Variants in ATP9B observed in about 807,000 individuals in gnomAD.
ATP9B encodes probable phospholipid-transporting ATPase IIB.
Under a neutral mutation model 146.1 loss-of-function variants are expected in ATP9B, and 110 were observed. The ratio of observed to expected loss-of-function variants is 0.75; its 90% CI spans 0.65 to 0.88. The LOEUF (loss-of-function observed/expected upper bound fraction) is 0.88. ATP9B is among the 40% of genes least tolerant of loss of function. The pLI is 0.00. For missense variants in ATP9B, 1,499 were observed against 1,496.4 expected (o/e 1.00, Z -0.03); for synonymous variants, 604 against 569.7 (o/e 1.06, Z -0.86).
At chr18:79,180,347 T>C (rs2095236098) in intron 8 of ATP9B, among the ~76,000 whole-genome samples, 1 of 152,220 alleles carries the variant, frequency 6.6e-6, no homozygotes, top group African/African-American at 2.4e-5. Context: ...TCCATTTGGC[T>C]AATTAGCTAT....
At chr18:79,158,493 G>T (rs1037076312) in intron 7 of ATP9B, among the ~76,000 whole-genome samples, 11 of 152,132 alleles carry the variant, frequency 7.2e-5, no homozygotes, top group Admixed American at 5.2e-4. Context: ...GTCTGTTGCT[G>T]TGTTGCCCAG....
chr18:79,327,593 G>GTGCTCTCCGTGGTTAACA (rs2096759573), intron 15 of ATP9B, among the ~76,000 whole-genome samples: 1 of 141,070 alleles, frequency 7.1e-6, no homozygotes, highest in Non-Finnish European at 1.5e-5. Context: ...CGTGGTTAAC[G>GTGCTCTCCGTGGTTAACA]TGCCCTCCGT....
chr18:79,094,255 C>T (rs553134153), intron 1 of ATP9B, among the ~76,000 whole-genome samples: 4 of 152,284 alleles, frequency 2.6e-5, no homozygotes, highest in East Asian at 3.9e-4. Flanking sequence ...TTTTGCAGCT[C>T]GGGGGTGAGC....
In ATP9B at chr18:79,307,108, G is replaced by C; in HGVS notation, c.1647G>C (p.Val549=). The change falls in exon 15 of 30, where the codon GTG becomes GTC. Residue 549 remains valine (V), a synonymous_variant. Transcript: ENST00000426216. ...SRIHEAVKAI[V]LCHNVTPVYE... is the part of the protein sequence containing the mutation. ...TCCATGAAGCCGTGAAAGCCATCGT[G>C]CTGTGTCACAACGTGACCCCCGTGT... 6.2e-7 allele frequency: 1 copy of C among 1,614,208 alleles called. No homozygotes were observed. The highest frequency in any genetic ancestry group is 1.1e-5 in the South Asian group (1 of 91,082).
chr18:79,369,215 C>G (rs10853389), intron 26 of ATP9B, among the ~76,000 whole-genome samples: 72,812 of 149,922 alleles, frequency 0.49, 17,752 homozygotes, highest in East Asian at 0.63. Flanking sequence ...TGGCCAACAC[C>G]GTAAAACCCC....
chr18:79,214,110 T>TTTCAGTAA (rs1248171699), intron 11 of ATP9B, 72 bp downstream of exon 11: 2 of 1,033,472 alleles, frequency 1.9e-6, no homozygotes, highest in Non-Finnish European at 2.7e-6. Flanking sequence ...TGCATAGTTC[T>TTTCAGTAA]GAATAGCTCA....
chr18:79,329,158 G>T lies in ATP9B; in HGVS notation c.1791G>T (p.Trp597Cys). The change falls in exon 16 of 30, where the codon TGG (tryptophan) becomes TGT (cysteine). Residue 597 changes from tryptophan (W) to cysteine (C), a missense_variant. Trp to Cys is a radical substitution (Grantham distance 215). Coordinates refer to ENST00000426216, the MANE Select transcript of ATP9B (RefSeq NM_198531.5). Reference sequence around the variant, plus strand: ...TCCCGTAGGTCGCTCTGGTGCAGTGGACAGAGAGTGTGGGCCTCACGCTGG... The same window carrying T: ...TCCCGTAGGTCGCTCTGGTGCAGTGTACAGAGAGTGTGGGCCTCACGCTGG... ...SSPDEVALVQ[W>C]TESVGLTLVS... 6.2e-7 allele frequency: 1 copy of T among 1,605,272 alleles called. No individual in the cohort carries two copies. The highest frequency in any genetic ancestry group is 2.2e-5 in the East Asian group (1 of 44,556).
chr18:79,235,492 T>A (rs1448779848), intron 11 of ATP9B, among the ~76,000 whole-genome samples: 1 of 152,238 alleles, frequency 6.6e-6, no homozygotes. Context: ...TTTTGCGTAA[T>A]AACAATTATA....
At chr18:79,164,062 G>A (rs2094926988) in intron 7 of ATP9B, among the ~76,000 whole-genome samples, 1 of 152,004 alleles carries the variant, frequency 6.6e-6, no homozygotes. Context: ...GGGACTACAG[G>A]TGCTTGCTAC....
intron 11 of ATP9B, among the ~76,000 whole-genome samples, chr18:79,236,380 G>A (rs1032601214): frequency 2.0e-5 from 3 of 152,024 alleles, no homozygotes; most frequent in Admixed American, 2.0e-4. Flanking sequence ...TTGTATATCC[G>A]GGTTATTTTC....
rs754100061 is a variant in ATP9B at position 79,096,564 on chromosome 18, C to A, written c.208C>A (p.His70Asn). 1 of 1,613,750 alleles carries A rather than the reference C, an allele frequency of 6.2e-7. No individual in the cohort carries two copies. The highest frequency in any genetic ancestry group is 8.5e-7 in the Non-Finnish European group (1 of 1,179,876). Residue 70 changes from histidine (H) to asparagine (N), a missense_variant, in exon 2 of 30, where the codon CAC becomes AAC. Physicochemically the swap from His to Asn is moderately conservative, Grantham distance 68. Transcript: ENST00000426216. ...EGFENEESDY[H>N]TLPRARIMQR... is the part of the protein sequence containing the mutation. ...CTTTGAGAATGAGGAAAGTGATTAC[C>A]ACACCTTACCACGAGCCAGGATAAT...
At position 79,327,892 on chromosome 18, in the gene ATP9B, G is replaced by A. The variant is rs191681379; in HGVS notation, c.1774-1249G>A. 2.7e-4 allele frequency among the ~76,000 whole-genome samples: 34 copies of A among 125,088 alleles called. 8 individuals are homozygous for A. The highest frequency in any genetic ancestry group is 4.0e-4 in the Non-Finnish European group (24 of 59,548). 82.1% of individuals were successfully genotyped at this position (125,088 alleles called of 152,430 possible). ...GCTCTCCATGGATAGTGTGCTCTCCGTGGTTAGCGTGCTCTCCGTGGGTAG... is the reference window on the plus strand; with the variant it reads ...GCTCTCCATGGATAGTGTGCTCTCCATGGTTAGCGTGCTCTCCGTGGGTAG... On this transcript the variant is annotated intron_variant, in intron 15 of 29. Coordinates refer to ENST00000426216, the MANE Select transcript of ATP9B (RefSeq NM_198531.5).
At chr18:79,317,874 T>C (rs2096690492) in intron 15 of ATP9B, among the ~76,000 whole-genome samples, 1 of 152,186 alleles carries the variant, frequency 6.6e-6, no homozygotes, top group African/African-American at 2.4e-5. Flanking sequence ...CTGGAGCATC[T>C]GGTACTGCCA....
At chr18:79,122,258 G>A (rs1476781880) in intron 4 of ATP9B, among the ~76,000 whole-genome samples, 3 of 152,076 alleles carry the variant, frequency 2.0e-5, no homozygotes, top group Admixed American at 1.3e-4. Flanking sequence ...GTCACAAACA[G>A]AACTTTTTTT....
chr18:79,083,722 C>A (rs1050732057), intron 1 of ATP9B, among the ~76,000 whole-genome samples: 10 of 152,152 alleles, frequency 6.6e-5, no homozygotes, highest in African/African-American at 2.4e-4. Flanking sequence ...CTTCAGCTTG[C>A]CCTCCTTGGG....
chr18:79,118,057 A>G (rs532246581), intron 4 of ATP9B: 1 of 152,180 alleles, frequency 6.6e-6, no homozygotes, highest in Non-Finnish European at 1.5e-5. Flanking sequence ...TCACTTCACT[A>G]AAGTGTTTCA....
chr18:79,167,299 G>A (rs1416645216), intron 7 of ATP9B, among the ~76,000 whole-genome samples: 1 of 152,192 alleles, frequency 6.6e-6, no homozygotes, highest in Non-Finnish European at 1.5e-5. Context: ...TGGACAACTA[G>A]AGGGTAAGCA....
At position 79,122,013 on chromosome 18, in the gene ATP9B, G is replaced by A. The variant is rs78871967; in HGVS notation, c.559-4254G>A. Among the ~76,000 whole-genome samples, 97 of 152,194 alleles carry A rather than the reference G, an allele frequency of 6.4e-4. 1 individual carries two copies. The East Asian group carries it at 0.017, about 27-fold the overall frequency. On this transcript the variant is annotated intron_variant, in intron 4 of 29. Coordinates refer to ENST00000426216, the MANE Select transcript of ATP9B (RefSeq NM_198531.5). ...CTGTCTTTAAGCCATAAGTTTAAAG[G>A]GGTGAAAATTAGAGTCACCTGGAGA...
chr18:79,084,086 G>A (rs1023562073), intron 1 of ATP9B, among the ~76,000 whole-genome samples: 1 of 151,364 alleles, frequency 6.6e-6, no homozygotes, highest in African/African-American at 2.4e-5. Flanking sequence ...CTTGATCTCC[G>A]GACTTCATGA....
Sources: allele counts gnomAD v4.1 joint callset (sites outside exome capture counted in the v4.1 genomes callset), GRCh38; gene constraint gnomAD v4.1.1; transcripts MANE v1.5; gene names NCBI Gene and HGNC (gene_info 2026-07-23, HGNC 2026-07-21).